NRG3: variants seen among roughly 807,000 people sequenced by gnomAD.
NRG3 encodes pro-neuregulin-3, membrane-bound isoform.
NRG3 carries 31 observed loss-of-function variants against 66.9 expected under a neutral mutation model. That is an observed-to-expected ratio of 0.46 (90% CI 0.35 to 0.63). NRG3 has a LOEUF of 0.63. Ranked by LOEUF, NRG3 falls within the 20% of genes least tolerant of loss-of-function variation. The pLI is 0.00. For synonymous variants in NRG3, 393 were observed against 359.4 expected (o/e 1.09, Z -1.06); for missense variants, 910 against 878.9 (o/e 1.04, Z -0.45).
At chr10:82,140,894 G>A (rs1364382931) in intron 1 of NRG3, among the ~76,000 whole-genome samples, 1 of 152,112 alleles carries the variant, frequency 6.6e-6, no homozygotes, top group African/African-American at 2.4e-5. Context: ...ACACTGGATA[G>A]TGTTAGCCTT....
chr10:82,588,849 G>A (rs908051094), intron 2 of NRG3, among the ~76,000 whole-genome samples: 1 of 152,072 alleles, frequency 6.6e-6, no homozygotes, highest in Non-Finnish European at 1.5e-5. Context: ...TTTCTTTATA[G>A]CAACAAAAAA....
chr10:82,494,841 T>A (rs529215104), intron 2 of NRG3, among the ~76,000 whole-genome samples: 31 of 152,294 alleles, frequency 2.0e-4, no homozygotes, highest in South Asian at 6.2e-4. Context: ...TTTTGCGTGA[T>A]TGAAAATAAT....
chr10:82,752,554 T>A (rs1199559480), intron 3 of NRG3, among the ~76,000 whole-genome samples: 1 of 152,194 alleles, frequency 6.6e-6, no homozygotes, highest in Non-Finnish European at 1.5e-5. Flanking sequence ...ACATTCTAAT[T>A]CTTTTTATAA....
At chr10:82,771,699 C>T (rs981353763) in intron 3 of NRG3, among the ~76,000 whole-genome samples, 4 of 152,142 alleles carry the variant, frequency 2.6e-5, no homozygotes, top group African/African-American at 9.7e-5. Flanking sequence ...ATGAGCTATT[C>T]CTCATTCAAT....
At chr10:81,890,518 G>A (rs1564634847) in intron 1 of NRG3, among the ~76,000 whole-genome samples, 1 of 152,286 alleles carries the variant, frequency 6.6e-6, no homozygotes, top group East Asian at 1.9e-4. Flanking sequence ...CCTTTGCCAT[G>A]ATGTTTGCAC....
At chr10:82,845,979 C>G (rs1049984731) in intron 3 of NRG3, among the ~76,000 whole-genome samples, 6 of 152,082 alleles carry the variant, frequency 3.9e-5, no homozygotes, top group African/African-American at 1.4e-4. Flanking sequence ...TTATCATGCA[C>G]TGTAGCTGAT....
At chr10:82,418,420 A>G (rs897426976) in intron 2 of NRG3, among the ~76,000 whole-genome samples, 1 of 152,218 alleles carries the variant, frequency 6.6e-6, no homozygotes, top group African/African-American at 2.4e-5. Context: ...TAACCAGTTT[A>G]TGCAAATGTT....
intron 2 of NRG3, among the ~76,000 whole-genome samples, chr10:82,406,704 A>C (rs1024335595): frequency 1.3e-5 from 2 of 152,084 alleles, no homozygotes; most frequent in Non-Finnish European, 2.9e-5. Context: ...CTACATTCTG[A>C]CTCCTGAGGA....
At chr10:82,339,872 T>C (rs2082589599) in intron 1 of NRG3, among the ~76,000 whole-genome samples, 1 of 152,084 alleles carries the variant, frequency 6.6e-6, no homozygotes. Flanking sequence ...CTTTATCTTC[T>C]GTCGTGCAGC....
intron 1 of NRG3, among the ~76,000 whole-genome samples, chr10:82,035,358 AT>A (rs57610439): frequency 0.013 from 1,924 of 151,958 alleles, 44 homozygotes; most frequent in African/African-American, 0.044. Context: ...ATACACTGTG[AT>A]TTTTTTTGCT....
At chr10:82,874,198 G>T (rs1173881960) in intron 4 of NRG3, among the ~76,000 whole-genome samples, 2 of 152,032 alleles carry the variant, frequency 1.3e-5, no homozygotes, top group Non-Finnish European at 2.9e-5. Flanking sequence ...GAGCACTGGG[G>T]ATAATCTCCT....
chr10:82,791,169 T>C (rs1435041853), intron 3 of NRG3, among the ~76,000 whole-genome samples: 1 of 152,166 alleles, frequency 6.6e-6, no homozygotes, highest in Non-Finnish European at 1.5e-5. Context: ...GGTTTACTTT[T>C]ATGTTTCTTT....
intron 1 of NRG3, among the ~76,000 whole-genome samples, chr10:81,972,765 C>T (rs781435291): frequency 2.0e-4 from 31 of 151,462 alleles, no homozygotes; most frequent in African/African-American, 2.9e-4. Flanking sequence ...GAATCAATAA[C>T]GGTTGATTTT....
chr10:82,823,599 C>G (rs1355248623), intron 3 of NRG3, among the ~76,000 whole-genome samples: 1 of 152,090 alleles, frequency 6.6e-6, no homozygotes, highest in African/African-American at 2.4e-5. Flanking sequence ...TACTGGGAGG[C>G]TTGGCTGCTG....
chr10:82,670,956 G>A (rs2053223421), intron 2 of NRG3, among the ~76,000 whole-genome samples: 1 of 152,136 alleles, frequency 6.6e-6, no homozygotes, highest in Non-Finnish European at 1.5e-5. Context: ...AACAAGAGAT[G>A]AACCCTGAAG....
At chr10:82,721,123 CTTTTTTTTTTTT>C (rs531541747) in intron 2 of NRG3, among the ~76,000 whole-genome samples, 1 of 47,864 alleles carries the variant, frequency 2.1e-5, no homozygotes, top group Non-Finnish European at 3.6e-5. Context: ...GAGTTTCACC[CTTTTTTTTTTTT>C]TTTTTTTTTT....
In NRG3 at chr10:82,482,330, A is replaced by T. The variant is rs180776993; in HGVS notation, c.953+123462A>T. 1.6e-4 allele frequency among the ~76,000 whole-genome samples: 24 copies of T among 152,294 alleles called. 1 individual carries two copies. In the South Asian group the frequency reaches 4.4e-3, roughly 28 times the overall value. ...TTGTCATCCTGGAACAAGATTTTTC[A>T]TCTTGAATAGTCTGATACCAAGACT... On this transcript the variant is annotated intron_variant, in intron 2 of 8. Coordinates refer to ENST00000372141, the MANE Select transcript of NRG3 (RefSeq NM_001010848.4).
At chr10:82,375,876 A>G (rs1438100442) in intron 2 of NRG3, among the ~76,000 whole-genome samples, 1 of 152,222 alleles carries the variant, frequency 6.6e-6, no homozygotes, top group African/African-American at 2.4e-5. Context: ...TGACATTTGT[A>G]TCAAAGAAAA....
At chr10:82,845,951 C>G (rs1339326633) in intron 3 of NRG3, among the ~76,000 whole-genome samples, 2 of 152,090 alleles carry the variant, frequency 1.3e-5, no homozygotes, top group Non-Finnish European at 2.9e-5. Flanking sequence ...AAACATACAG[C>G]TCATAGAATT....
Sources: gnomAD v4.1 joint callset for allele counts (sites outside exome capture counted in the v4.1 genomes callset) on GRCh38, gnomAD v4.1.1 for gene constraint, MANE v1.5 for transcripts, NCBI Gene and HGNC (gene_info 2026-07-23, HGNC 2026-07-21) for gene names.